The following NSUN7 variants were observed in gnomAD, a reference collection of about 807,000 sequenced individuals.
The protein encoded by NSUN7 is protein NSUN7.
NSUN7 carries 39 observed loss-of-function variants against 58.5 expected under a neutral mutation model. The ratio of observed to expected loss-of-function variants is 0.67; its 90% CI spans 0.52 to 0.87. The LOEUF (loss-of-function observed/expected upper bound fraction) is 0.87, where lower values mean the gene tolerates loss of function less well. NSUN7 is among the 40% of genes least tolerant of loss of function. NSUN7 has a pLI of 0.00. For synonymous variants in NSUN7, 278 were observed against 303.7 expected (o/e 0.92, Z 0.88); for missense variants, 765 against 844.1 (o/e 0.91, Z 1.16).
At chr4:40,787,718 G>T (rs1742895853) in intron 7 of NSUN7, among the ~76,000 whole-genome samples, 1 of 152,170 alleles carries the variant, frequency 6.6e-6, no homozygotes, top group Non-Finnish European at 1.5e-5. Context: ...CCTATATGAT[G>T]TTGTCACAGA....
chr4:40,773,944 G>C (rs1484050445), intron 4 of NSUN7, among the ~76,000 whole-genome samples: 3 of 151,886 alleles, frequency 2.0e-5, no homozygotes, highest in African/African-American at 7.3e-5. Context: ...GATTACAGGC[G>C]CCCGCCACCA....
rs777085292 is a variant in NSUN7 at position 40,761,152 on chromosome 4, A to G, written c.358-19A>G. 17 of 1,550,620 alleles carry G rather than the reference A, an allele frequency of 1.1e-5. No individual in the cohort carries two copies. In the Middle Eastern group the frequency reaches 8.7e-4, roughly 79 times the overall value. On this transcript the variant is annotated intron_variant, in intron 3 of 11. Coordinates refer to ENST00000381782, the MANE Select transcript of NSUN7 (RefSeq NM_024677.6). ...ATATTGTTTGTATACTTTTCTTTAT[A>G]TATGTTTTCCCTTGTTAGCCAGATC... is the stretch of plus-strand genomic sequence containing the variant.
chr4:40,797,424 T>G (rs1285171784), intron 9 of NSUN7, among the ~76,000 whole-genome samples: 1 of 152,174 alleles, frequency 6.6e-6, no homozygotes, highest in Non-Finnish European at 1.5e-5. Context: ...AGCTAACATG[T>G]CTAAGGTGGA....
At chr4:40,786,555 G>T in intron 7 of NSUN7, 2 of 1,613,300 alleles carry the variant, frequency 1.2e-6, no homozygotes, top group Non-Finnish European at 1.7e-6. Context: ...CAGAAATTGA[G>T]AAATTGTTAG....
At chr4:40,782,334 G>A (rs1266714438) in intron 7 of NSUN7, among the ~76,000 whole-genome samples, 1 of 151,828 alleles carries the variant, frequency 6.6e-6, no homozygotes, top group African/African-American at 2.4e-5. Flanking sequence ...AGGCTGAGGT[G>A]GGTAGATCAC....
Position 40,750,606 on chromosome 4 carries a change from C to T in NSUN7, c.-88C>T. 5 of 1,460,824 alleles carry T rather than the reference C, an allele frequency of 3.4e-6. No individual in the cohort carries two copies. The highest frequency in any genetic ancestry group is 4.7e-6 in the Non-Finnish European group (5 of 1,065,984). 90.5% of individuals were successfully genotyped at this position (1,460,824 alleles called of 1,614,324 possible). ...CAATCACCTTCTCTCTTCACAGAGA[C>T]CATGCTGCAGATGCGAGGAAAGCCG... On this transcript the variant is annotated 5_prime_UTR_variant, in exon 2 of 12. Transcript: ENST00000381782.
chr4:40,762,923 T>C (rs2154286896), intron 4 of NSUN7, among the ~76,000 whole-genome samples: 1 of 152,284 alleles, frequency 6.6e-6, no homozygotes, highest in Non-Finnish European at 1.5e-5. Flanking sequence ...GATCATCTAA[T>C]GCTTGATGAT....
At chr4:40,802,664 CT>C (rs374777596) in intron 10 of NSUN7, among the ~76,000 whole-genome samples, 2 of 151,778 alleles carry the variant, frequency 1.3e-5, no homozygotes, top group South Asian at 2.1e-4. Context: ...ACACCATAAA[CT>C]TTTTTATTGA....
chr4:40,792,619 C>T (rs958359874), intron 8 of NSUN7, among the ~76,000 whole-genome samples: 19 of 152,072 alleles, frequency 1.2e-4, no homozygotes, highest in East Asian at 9.6e-4. Context: ...GGCGAGGTGG[C>T]GGGCGCCTGT....
chr4:40,784,883 A>ATGCAG (rs1742735672), intron 7 of NSUN7, among the ~76,000 whole-genome samples: 1 of 152,222 alleles, frequency 6.6e-6, no homozygotes, highest in East Asian at 1.9e-4. Context: ...AGGATATAGA[A>ATGCAG]GATGGAAACA....
At chr4:40,756,387 G>A (rs1415045670) in intron 2 of NSUN7, among the ~76,000 whole-genome samples, 1 of 152,242 alleles carries the variant, frequency 6.6e-6, no homozygotes, top group Non-Finnish European at 1.5e-5. Context: ...GATCCCTGAA[G>A]CAGACTGAAG....
intron 10 of NSUN7, 59 bp from the exon 11 acceptor site, chr4:40,807,002 T>A: frequency 1.3e-6 from 2 of 1,523,864 alleles, no homozygotes; most frequent in Non-Finnish European, 1.8e-6. Context: ...ATTTACTTTC[T>A]TCCTCTCTTG....
At chr4:40,756,047 C>T (rs1741128960) in intron 2 of NSUN7, among the ~76,000 whole-genome samples, 2 of 151,972 alleles carry the variant, frequency 1.3e-5, no homozygotes, top group African/African-American at 4.8e-5. Context: ...TCTCTAGCTT[C>T]TTCAGAGACC....
intron 7 of NSUN7, chr4:40,786,608 C>T (rs930633443): frequency 1.2e-6 from 2 of 1,612,884 alleles, no homozygotes; most frequent in Admixed American, 3.3e-5. Flanking sequence ...CATTTGCAGC[C>T]TACCTGTGCA....
intron 10 of NSUN7, among the ~76,000 whole-genome samples, chr4:40,804,237 C>T (rs555807687): frequency 3.3e-5 from 5 of 151,720 alleles, no homozygotes; most frequent in Admixed American, 6.6e-5. Context: ...GTCAGGAGTT[C>T]GAGACCAGCC....
intron 4 of NSUN7, among the ~76,000 whole-genome samples, chr4:40,762,213 A>C (rs1053667292): frequency 6.6e-6 from 1 of 152,194 alleles, no homozygotes; most frequent in African/African-American, 2.4e-5. Context: ...TGTTCTTTAT[A>C]AATTAGCTGG....
At chr4:40,759,260 G>A (rs1372030584) in intron 2 of NSUN7, among the ~76,000 whole-genome samples, 1 of 152,148 alleles carries the variant, frequency 6.6e-6, no homozygotes, top group Non-Finnish European at 1.5e-5. Flanking sequence ...GCAGTGAACC[G>A]AGATTGTGCC....
At chr4:40,787,842 A>AT (rs1742902125) in intron 7 of NSUN7, among the ~76,000 whole-genome samples, 1 of 152,038 alleles carries the variant, frequency 6.6e-6, no homozygotes, top group African/African-American at 2.4e-5. Context: ...TTATTTATTT[A>AT]TTTTTTTGAG....
intron 2 of NSUN7, among the ~76,000 whole-genome samples, chr4:40,755,895 C>A (rs980300279): frequency 4.6e-5 from 7 of 152,168 alleles, no homozygotes; most frequent in Non-Finnish European, 1.0e-4. Flanking sequence ...AATTCTCCCA[C>A]CAATGATAAA....
Sources: gnomAD v4.1 joint callset for allele counts (sites outside exome capture counted in the v4.1 genomes callset) on GRCh38, gnomAD v4.1.1 for gene constraint, MANE v1.5 for transcripts, NCBI Gene and HGNC (gene_info 2026-07-23, HGNC 2026-07-21) for gene names.